The following RAI14 variants were observed in gnomAD, a reference collection of about 807,000 sequenced individuals.
RAI14 encodes the protein retinoic acid induced 14.
In RAI14, 45 loss-of-function variants were observed where a neutral mutation model predicts 115.4. The ratio of observed to expected loss-of-function variants is 0.39; its 90% CI spans 0.31 to 0.50. RAI14 has a LOEUF of 0.50. Ranked by LOEUF, RAI14 falls within the 20% of genes least tolerant of loss-of-function variation. RAI14 has a pLI of 0.85. For synonymous variants in RAI14, 371 were observed against 415.4 expected (o/e 0.89, Z 1.30); for missense variants, 939 against 1,131.2 (o/e 0.83, Z 2.44).
At chr5:34,781,289 TGCA>T (rs1209956185) in intron 3 of RAI14, among the ~76,000 whole-genome samples, 2 of 151,654 alleles carry the variant, frequency 1.3e-5, no homozygotes. Flanking sequence ...AGTTAATGGG[TGCA>T]GCACACCAAC....
intron 3 of RAI14, among the ~76,000 whole-genome samples, chr5:34,784,754 T>C (rs114458564): frequency 0.048 from 7,312 of 152,304 alleles, 169 homozygotes; most frequent in Admixed American, 0.068. Flanking sequence ...ATAGACTTGC[T>C]TTTCGATTAG....
intron 14 of RAI14, among the ~76,000 whole-genome samples, chr5:34,822,664 C>CTTTTTCTTTTTTTTTTT (rs1756991248): frequency 4.2e-5 from 2 of 47,566 alleles, no homozygotes; most frequent in African/African-American, 1.3e-4. Flanking sequence ...CCTTTGGTAT[C>CTTTTTCTTTTTTTTTTT]TTTTTTTTTT....
At chr5:34,745,049 A>G (rs1351052419) in intron 2 of RAI14, among the ~76,000 whole-genome samples, 1 of 152,116 alleles carries the variant, frequency 6.6e-6, no homozygotes, top group African/African-American at 2.4e-5. Context: ...TGGATTTTGG[A>G]TCCAACTTAA....
chr5:34,675,517 C>T (rs1348847916), intron 1 of RAI14, among the ~76,000 whole-genome samples: 1 of 152,192 alleles, frequency 6.6e-6, no homozygotes, highest in Non-Finnish European at 1.5e-5. Flanking sequence ...CTTTGGGAGG[C>T]ACAGGCCGGA....
At chr5:34,806,369 T>C (rs532247494) in intron 5 of RAI14, among the ~76,000 whole-genome samples, 1 of 152,266 alleles carries the variant, frequency 6.6e-6, no homozygotes, top group Admixed American at 6.5e-5. Flanking sequence ...GGCTTTTAAG[T>C]AGACAGTGAG....
chr5:34,803,836 T>C (rs1754565155), intron 5 of RAI14, 60 bp downstream of exon 5: 2 of 1,477,358 alleles, frequency 1.4e-6, no homozygotes, highest in African/African-American at 1.4e-5. Context: ...AAAGTAATCA[T>C]ATTTGTGAAA....
intron 1 of RAI14, among the ~76,000 whole-genome samples, chr5:34,673,881 C>G (rs2149859633): frequency 6.6e-6 from 1 of 152,294 alleles, no homozygotes; most frequent in South Asian, 2.1e-4. Context: ...TCTAAAAACC[C>G]CAGAGTCTCT....
chr5:34,709,063 G>A (rs1741080566), intron 2 of RAI14, among the ~76,000 whole-genome samples: 1 of 149,392 alleles, frequency 6.7e-6, no homozygotes, highest in South Asian at 2.1e-4. Flanking sequence ...CCAGGAATTT[G>A]AGGTTACAGT....
Position 34,807,716 on chromosome 5 carries a change from T to G in RAI14, c.322-84T>G, listed in dbSNP as rs940624929. 2.2e-5 allele frequency: 24 copies of G among 1,074,668 alleles called. 1 individual carries two copies. In the South Asian group the frequency reaches 2.9e-4, roughly 13 times the overall value. 66.6% of individuals were successfully genotyped at this position (1,074,668 alleles called of 1,614,324 possible). The stretch of plus-strand genomic sequence containing the variant: ...TTAATAGTCTTCCTAATAAGTCACA[T>G]CATACCTTGCAGGAAAAGTCTGAAC... On this transcript the variant is annotated intron_variant, in intron 5 of 17. Coordinates refer to ENST00000265109, the MANE Select transcript of RAI14 (RefSeq NM_015577.3).
intron 5 of RAI14, among the ~76,000 whole-genome samples, chr5:34,804,810 C>A (rs2150237197): frequency 6.6e-6 from 1 of 152,338 alleles, no homozygotes; most frequent in African/African-American, 2.4e-5. Flanking sequence ...GGACCAGACA[C>A]TCTGGATAAG....
At chr5:34,799,501 C>CACAG (rs1753941490) in intron 4 of RAI14, among the ~76,000 whole-genome samples, 1 of 56,148 alleles carries the variant, frequency 1.8e-5, no homozygotes, top group Non-Finnish European at 3.6e-5. Flanking sequence ...CAGACACACA[C>CACAG]ACACACACAC....
intron 3 of RAI14, among the ~76,000 whole-genome samples, chr5:34,790,179 G>A (rs1752752950): frequency 6.6e-6 from 1 of 152,178 alleles, no homozygotes; most frequent in African/African-American, 2.4e-5. Flanking sequence ...GCATAGGGTG[G>A]GGGAATGAGA....
chr5:34,722,023 CTT>C (rs1262854150), intron 2 of RAI14, among the ~76,000 whole-genome samples: 1 of 152,066 alleles, frequency 6.6e-6, no homozygotes, highest in Non-Finnish European at 1.5e-5. Flanking sequence ...TGGCTGGACA[CTT>C]TTAACTGCTC....
chr5:34,695,044 G>A (rs896586717), intron 2 of RAI14, among the ~76,000 whole-genome samples: 1 of 152,070 alleles, frequency 6.6e-6, no homozygotes, highest in African/African-American at 2.4e-5. Flanking sequence ...GATCACAGGC[G>A]TGTGCCACCA....
chr5:34,824,340 G>T lies in RAI14; in HGVS notation c.2498G>T (p.Arg833Ile). 6.2e-7 allele frequency: 1 copy of T among 1,613,924 alleles called. No homozygotes were observed. Among genetic ancestry groups the T allele is most frequent in the Non-Finnish European group, 8.5e-7 (1 of 1,179,826 alleles). The change falls in exon 15 of 18, where the codon AGA becomes ATA. Residue 833 changes from arginine (R) to isoleucine (I), a missense_variant. Arg to Ile is a moderately conservative substitution (Grantham distance 97, BLOSUM62 -3). Coordinates refer to ENST00000265109, the MANE Select transcript of RAI14 (RefSeq NM_015577.3). ...AGAAGTGAGGTCTCACAGGTGAAAA[G>T]AGAAAAGGAAAATATTCAGACTCTC... is the stretch of plus-strand genomic sequence containing the variant. Reference protein sequence around the residue: ...QIRSEVSQVKREKENIQTLLK... With the variant: ...QIRSEVSQVKIEKENIQTLLK...
At position 34,665,101 on chromosome 5, in the gene RAI14, ATGTG is replaced by A. The variant is rs1173703183; in HGVS notation, c.-49+8628_-49+8631del. On this transcript the variant is annotated intron_variant, in intron 1 of 17. Transcript: ENST00000265109. Reference sequence around the variant, plus strand: ...TATGTGTATATATATGTGTATATATATGTGTATATATATGTGTATATATGTATGT... The same window carrying A: ...TATGTGTATATATATGTGTATATATATATATATATGTGTATATATGTATGT... 8.4e-3 allele frequency among the ~76,000 whole-genome samples: 353 copies of A among 41,934 alleles called. 132 individuals carry two copies. Among genetic ancestry groups the A allele is most frequent in the African/African-American group, 0.025 (345 of 13,762 alleles). The allele number at this position is 41,934 out of a possible 152,430, so 27.5% of individuals were successfully genotyped here.
chr5:34,663,503 T>A (rs2149841778), intron 1 of RAI14, among the ~76,000 whole-genome samples: 2 of 152,204 alleles, frequency 1.3e-5, no homozygotes, highest in Admixed American at 1.3e-4. Context: ...GGCAACAGAG[T>A]GAGACCCTGT....
intron 3 of RAI14, among the ~76,000 whole-genome samples, chr5:34,785,785 A>T (rs370399185): frequency 1.9e-3 from 295 of 152,154 alleles, no homozygotes; most frequent in African/African-American, 6.9e-3. Flanking sequence ...ACTTTTCCCC[A>T]TTCCCACATA....
chr5:34,773,244 T>C (rs2150137149), intron 3 of RAI14, among the ~76,000 whole-genome samples: 1 of 152,290 alleles, frequency 6.6e-6, no homozygotes, highest in East Asian at 1.9e-4. Context: ...TCTCTCCCTA[T>C]ATACAAATAT....
Sources: gnomAD v4.1 joint callset for allele counts (sites outside exome capture counted in the v4.1 genomes callset) on GRCh38, gnomAD v4.1.1 for gene constraint, MANE v1.5 for transcripts, NCBI Gene and HGNC (gene_info 2026-07-23, HGNC 2026-07-21) for gene names.